The following SUGCT variants were observed in gnomAD, a reference collection of about 807,000 sequenced individuals.
SUGCT encodes the protein succinyl-CoA:glutarate-CoA transferase, also known as succinyl-CoA:glutarate CoA-transferase.
In SUGCT, 41 loss-of-function variants were observed where a neutral mutation model predicts 55.0. The ratio of observed to expected loss-of-function variants is 0.74; its 90% CI spans 0.58 to 0.97. SUGCT has a LOEUF of 0.97. Among genes scored for constraint, SUGCT ranks in the 50% least tolerant of loss-of-function variants. The probability of loss-of-function intolerance (pLI) is 0.00; values close to 1 mark genes in which losing one functional copy is unlikely to be tolerated. For missense variants in SUGCT, 568 were observed against 547.8 expected (o/e 1.04, Z -0.37); for synonymous variants, 187 against 200.4 (o/e 0.93, Z 0.56).
the SUGCT span, among the ~76,000 whole-genome samples, chr7:41,032,150 G>A: frequency 6.6e-6 from 1 of 152,054 alleles, no homozygotes; most frequent in East Asian, 1.9e-4. Flanking sequence ...AAACCAACAA[G>A]CAAATACACA....
At chr7:40,263,877 C>T (rs770323997) in intron 7 of SUGCT, among the ~76,000 whole-genome samples, 2 of 151,870 alleles carry the variant, frequency 1.3e-5, no homozygotes, top group Non-Finnish European at 2.9e-5. Flanking sequence ...CTTTTTTCTT[C>T]CTTTCTTCTG....
intron 3 of SUGCT, among the ~76,000 whole-genome samples, chr7:40,184,607 A>G (rs73312992): frequency 0.013 from 2,014 of 152,024 alleles, 43 homozygotes; most frequent in African/African-American, 0.046. Flanking sequence ...TGCTGACATT[A>G]TAGGTGTGGG....
chr7:40,709,133 A>C (rs1467682137), intron 12 of SUGCT, among the ~76,000 whole-genome samples: 1 of 152,214 alleles, frequency 6.6e-6, no homozygotes, highest in African/African-American at 2.4e-5. Flanking sequence ...ACTAGGGATC[A>C]TGTGATCCAC....
At chr7:40,936,671 T>G in the SUGCT span, among the ~76,000 whole-genome samples, 2 of 151,978 alleles carry the variant, frequency 1.3e-5, no homozygotes, top group Non-Finnish European at 2.9e-5. Flanking sequence ...TTCTAGTTTC[T>G]TATAACAGAA....
chr7:40,167,137 T>C (rs544245325), intron 1 of SUGCT, among the ~76,000 whole-genome samples: 12 of 152,164 alleles, frequency 7.9e-5, no homozygotes, highest in Non-Finnish European at 1.2e-4. Flanking sequence ...ACCAATTCAG[T>C]GTCCGTCAAC....
At chr7:40,601,644 G>A (rs1379025302) in intron 12 of SUGCT, among the ~76,000 whole-genome samples, 1 of 152,088 alleles carries the variant, frequency 6.6e-6, no homozygotes, top group Non-Finnish European at 1.5e-5. Flanking sequence ...TCTAAGACAA[G>A]CTTGTCCAAC....
At chr7:40,419,835 A>G (rs1787211864) in intron 9 of SUGCT, among the ~76,000 whole-genome samples, 1 of 152,176 alleles carries the variant, frequency 6.6e-6, no homozygotes, top group African/African-American at 2.4e-5. Flanking sequence ...AAAGAAAAAA[A>G]CTTTATTATT....
At chr7:40,820,976 G>A (rs538456185) in intron 13 of SUGCT, among the ~76,000 whole-genome samples, 2 of 152,244 alleles carry the variant, frequency 1.3e-5, no homozygotes, top group South Asian at 4.2e-4. Flanking sequence ...AGCATGAAGG[G>A]CTGTTGATTT....
intron 7 of SUGCT, among the ~76,000 whole-genome samples, chr7:40,242,935 T>TATATATATATATATATA (rs1562605220): frequency 4.2e-5 from 1 of 23,846 alleles, no homozygotes; most frequent in Non-Finnish European, 7.4e-5. Flanking sequence ...ATATATATAT[T>TATATATATATATATATA]TTTTTTTTTT....
chr7:40,943,271 A>T, the SUGCT span, among the ~76,000 whole-genome samples: 75 of 146,842 alleles, frequency 5.1e-4, no homozygotes, highest in African/African-American at 1.8e-3. Context: ...ACTTTATTTT[A>T]TTATTATTAT....
chr7:40,988,470 G>A, the SUGCT span, among the ~76,000 whole-genome samples: 1 of 151,484 alleles, frequency 6.6e-6, no homozygotes, highest in Non-Finnish European at 1.5e-5. Context: ...ATCTTTTATA[G>A]ATTGGCATAA....
chr7:40,189,489 T>C, intron 4 of SUGCT, 55 bp from the exon 5 acceptor site: 1 of 514,180 alleles, frequency 1.9e-6, no homozygotes. Flanking sequence ...GGGATTGGGC[T>C]TCTTGTGTTT....
chr7:40,248,013 G>GTTTTTTT (rs70996895), intron 7 of SUGCT, among the ~76,000 whole-genome samples: 2 of 123,062 alleles, frequency 1.6e-5, no homozygotes, highest in South Asian at 2.6e-4. Context: ...TTGTTTTTTT[G>GTTTTTTT]TTTTTTTTTT....
the SUGCT span, among the ~76,000 whole-genome samples, chr7:40,975,943 C>G: frequency 1.3e-5 from 2 of 152,102 alleles, no homozygotes; most frequent in African/African-American, 4.8e-5. Context: ...CTTTCATAGC[C>G]CTGCCTTAAC....
chr7:40,164,125 CTT>C (rs1050536681), intron 1 of SUGCT, among the ~76,000 whole-genome samples: 5 of 146,262 alleles, frequency 3.4e-5, no homozygotes. Context: ...TGACCCTTGA[CTT>C]TTTTTTTTTT....
At chr7:40,753,712 G>C (rs904307848) in intron 13 of SUGCT, among the ~76,000 whole-genome samples, 17 of 152,100 alleles carry the variant, frequency 1.1e-4, no homozygotes, top group Non-Finnish European at 2.5e-4. Flanking sequence ...CTTTAGAGTT[G>C]TATAAATCCA....
intron 12 of SUGCT, among the ~76,000 whole-genome samples, chr7:40,534,228 T>C (rs1452093342): frequency 6.6e-6 from 1 of 152,148 alleles, no homozygotes; most frequent in African/African-American, 2.4e-5. Context: ...ACAGATTCTG[T>C]TTTTGTGGTG....
At chr7:40,624,979 C>G (rs1799457460) in intron 12 of SUGCT, among the ~76,000 whole-genome samples, 1 of 152,124 alleles carries the variant, frequency 6.6e-6, no homozygotes, top group Non-Finnish European at 1.5e-5. Flanking sequence ...ATCTTTCCCC[C>G]CCAGTTGAAA....
intron 9 of SUGCT, among the ~76,000 whole-genome samples, chr7:40,414,365 T>C (rs767138953): frequency 7.2e-5 from 11 of 152,302 alleles, no homozygotes; most frequent in Non-Finnish European, 1.0e-4. Flanking sequence ...TGCTACTCAA[T>C]TGCCATAGCC....
Sources: allele counts gnomAD v4.1 joint callset (sites outside exome capture counted in the v4.1 genomes callset), GRCh38; gene constraint gnomAD v4.1.1; transcripts MANE v1.5; gene names NCBI Gene and HGNC (gene_info 2026-07-23, HGNC 2026-07-21).